Variants in BNC2 observed in about 807,000 individuals in gnomAD.
The protein encoded by BNC2 is basonuclin zinc finger protein 2.
A neutral mutation model predicts 76.3 loss-of-function variants in BNC2; 20 were observed. The observed-to-expected ratio is 0.26, with a 90% CI of 0.18 to 0.38. The LOEUF is 0.38. Among genes scored for constraint, BNC2 ranks in the 10% least tolerant of loss-of-function variants. The pLI is 1.00. For missense variants in BNC2, 1,382 were observed against 1,399.8 expected (o/e 0.99, Z 0.20); for synonymous variants, 582 against 514.8 (o/e 1.13, Z -1.77).
chr9:16,618,511 T>C (rs565893502), intron 3 of BNC2, among the ~76,000 whole-genome samples: 4 of 152,094 alleles, frequency 2.6e-5, no homozygotes, highest in Admixed American at 2.6e-4. Flanking sequence ...ATTTACAGAA[T>C]GCAATCAGCA....
At chr9:16,563,909 A>T (rs943744) in intron 4 of BNC2, among the ~76,000 whole-genome samples, 29,168 of 152,190 alleles carry the variant, frequency 0.19, 5,027 homozygotes, top group African/African-American at 0.46. Context: ...TGTTAAAATT[A>T]GTAATATTTA....
intron 5 of BNC2, among the ~76,000 whole-genome samples, chr9:16,544,282 G>A (rs1210885095): frequency 6.6e-6 from 1 of 151,934 alleles, no homozygotes; most frequent in Non-Finnish European, 1.5e-5. Context: ...TTTATATCTA[G>A]ATTCATTGAT....
chr9:16,489,376 G>C (rs1441079555), intron 5 of BNC2, among the ~76,000 whole-genome samples: 1 of 152,128 alleles, frequency 6.6e-6, no homozygotes, highest in African/African-American at 2.4e-5. Flanking sequence ...GACAGCATAG[G>C]TTTATAGTTT....
chr9:16,583,665 T>A (rs1435354138), intron 3 of BNC2, among the ~76,000 whole-genome samples: 2 of 152,170 alleles, frequency 1.3e-5, no homozygotes, highest in Admixed American at 1.3e-4. Flanking sequence ...CCCAATTCCT[T>A]GAATATTTTT....
At chr9:16,796,688 G>A (rs1404125935) in intron 1 of BNC2, among the ~76,000 whole-genome samples, 1 of 151,940 alleles carries the variant, frequency 6.6e-6, no homozygotes, top group Non-Finnish European at 1.5e-5. Context: ...AAGAAAGAAA[G>A]AAAGAAATCC....
chr9:16,805,464 T>G (rs903986082), intron 1 of BNC2, among the ~76,000 whole-genome samples: 7 of 151,998 alleles, frequency 4.6e-5, no homozygotes, highest in African/African-American at 1.7e-4. Flanking sequence ...GTAGCTGGGA[T>G]TACAGGCGCG....
chr9:16,569,437 T>TA (rs1819257915), intron 4 of BNC2, among the ~76,000 whole-genome samples: 2 of 152,086 alleles, frequency 1.3e-5, no homozygotes, highest in African/African-American at 4.8e-5. Context: ...CACCCACAAT[T>TA]AGTCCAGGGT....
intron 5 of BNC2, among the ~76,000 whole-genome samples, chr9:16,477,359 C>CA (rs914591212): frequency 1.3e-5 from 2 of 151,386 alleles, no homozygotes; most frequent in Non-Finnish European, 2.9e-5. Context: ...TCCTTGATAA[C>CA]AATGTGACAA....
At chr9:16,702,004 T>A (rs1823530026) in intron 3 of BNC2, among the ~76,000 whole-genome samples, 1 of 151,328 alleles carries the variant, frequency 6.6e-6, no homozygotes, top group Non-Finnish European at 1.5e-5. Flanking sequence ...AACACAATTA[T>A]TTTTTATGAA....
intron 1 of BNC2, among the ~76,000 whole-genome samples, chr9:16,797,015 C>A (rs1817673404): frequency 6.6e-6 from 1 of 152,092 alleles, no homozygotes; most frequent in East Asian, 1.9e-4. Flanking sequence ...CTGACTACCT[C>A]ACAAAATATG....
chr9:16,448,106 A>G (rs1821264848), intron 5 of BNC2, among the ~76,000 whole-genome samples: 1 of 152,106 alleles, frequency 6.6e-6, no homozygotes, highest in Non-Finnish European at 1.5e-5. Context: ...GTCTTAGGAC[A>G]GCTATAAATC....
At chr9:16,562,843 CATAA>C (rs1377203375) in intron 4 of BNC2, among the ~76,000 whole-genome samples, 4 of 152,082 alleles carry the variant, frequency 2.6e-5, no homozygotes, top group African/African-American at 4.8e-5. Context: ...CTTCTCATTT[CATAA>C]ATAAGTTATA....
At chr9:16,666,867 G>A (rs1434052069) in intron 3 of BNC2, among the ~76,000 whole-genome samples, 3 of 152,074 alleles carry the variant, frequency 2.0e-5, no homozygotes, top group African/African-American at 7.2e-5. Flanking sequence ...TATTCAACCT[G>A]AACATTTTGT....
At chr9:16,503,494 G>C (rs933890008) in intron 5 of BNC2, among the ~76,000 whole-genome samples, 1 of 151,990 alleles carries the variant, frequency 6.6e-6, no homozygotes, top group Non-Finnish European at 1.5e-5. Flanking sequence ...AAGGCAGTGA[G>C]GAAAGGGGAG....
intron 1 of BNC2, among the ~76,000 whole-genome samples, chr9:16,739,005 G>C (rs7035442): frequency 9.2e-4 from 139 of 150,998 alleles, no homozygotes; most frequent in African/African-American, 3.2e-3. Context: ...ATACAACTTA[G>C]AGATCCCTTC....
At chr9:16,817,213 G>C (rs1818207129) in intron 1 of BNC2, among the ~76,000 whole-genome samples, 1 of 152,118 alleles carries the variant, frequency 6.6e-6, no homozygotes, top group South Asian at 2.1e-4. Flanking sequence ...CAAGAGACTG[G>C]TGTAGATTTG....
rs372583425 is a variant in BNC2, at chr9:16,780,235, CA to C, written c.4-41751del. 7.8e-3 allele frequency among the ~76,000 whole-genome samples: 514 copies of C among 66,314 alleles called. 2 individuals are homozygous for C. The highest frequency in any genetic ancestry group is 0.031 in the East Asian group (73 of 2,388). The allele number at this position is 66,314 out of a possible 152,430, so 43.5% of individuals were successfully genotyped here. ...TGGGTGACAGAGCAAGACTTCGTTT[CA>C]AAAAAAAAAAAAAAAAAAAACAAAA... is the stretch of plus-strand genomic sequence containing the variant. On this transcript the variant is annotated intron_variant, in intron 1 of 6. Coordinates refer to ENST00000380672, the MANE Select transcript of BNC2 (RefSeq NM_017637.6).
intron 3 of BNC2, among the ~76,000 whole-genome samples, chr9:16,712,379 T>A (rs1823875443): frequency 6.6e-6 from 1 of 152,258 alleles, no homozygotes; most frequent in Non-Finnish European, 1.5e-5. Flanking sequence ...CACATTTTTA[T>A]ATTTGTGGGA....
At chr9:16,633,348 G>C (rs747437667) in intron 3 of BNC2, among the ~76,000 whole-genome samples, 2 of 152,110 alleles carry the variant, frequency 1.3e-5, no homozygotes, top group Non-Finnish European at 2.9e-5. Context: ...GCCTTAACTA[G>C]AAAAACAACA....
Sources: allele counts gnomAD v4.1 joint callset (sites outside exome capture counted in the v4.1 genomes callset), GRCh38; gene constraint gnomAD v4.1.1; transcripts MANE v1.5; gene names NCBI Gene and HGNC (gene_info 2026-07-23, HGNC 2026-07-21).